CD81: variants seen among roughly 807,000 people sequenced by gnomAD.
CD81 encodes CD81 antigen.
CD81 carries 10 observed loss-of-function variants against 30.1 expected under a neutral mutation model. The observed-to-expected ratio is 0.33, with a 90% CI of 0.21 to 0.56. CD81 has a LOEUF of 0.56. Ranked by LOEUF, CD81 falls within the 20% of genes least tolerant of loss-of-function variation. CD81 has a pLI of 0.89. For missense variants in CD81, 263 were observed against 308.7 expected (o/e 0.85, Z 1.11); for synonymous variants, 147 against 126.4 (o/e 1.16, Z -1.10).
intron 1 of CD81, among the ~76,000 whole-genome samples, chr11:2,383,309 G>A (rs557554663): frequency 4.6e-5 from 7 of 152,158 alleles, no homozygotes; most frequent in South Asian, 4.1e-4. Flanking sequence ...AGGGCCCTAC[G>A]TCACCCAGGG....
upstream of CD81, chr11:2,376,230 G>A (rs1032782769): frequency 2.0e-5 from 3 of 151,638 alleles, no homozygotes; most frequent in African/African-American, 7.3e-5. Flanking sequence ...GTGCCAGGGG[G>A]TTATCCAGGT....
At chr11:2,380,613 C>A (rs1286110718) in intron 1 of CD81, among the ~76,000 whole-genome samples, 1 of 152,160 alleles carries the variant, frequency 6.6e-6, no homozygotes, top group Non-Finnish European at 1.5e-5. Flanking sequence ...GATGCCCTGG[C>A]CAAGCAGCGT....
rs756776053 is a variant in CD81 at position 2,396,725 on chromosome 11, G to A, written c.648+11G>A. On this transcript the variant is annotated intron_variant, in intron 7 of 7. Transcript: ENST00000263645. The stretch of plus-strand genomic sequence containing the variant: ...GTCGCTGTGATCATGGTGAGCGGGC[G>A]GGGGCGGAGGGCCTGCTCTCTGGGC... 6.8e-6 allele frequency: 11 copies of A among 1,611,286 alleles called. No individual in the cohort carries two copies. The highest frequency in any genetic ancestry group is 1.6e-4 in the Middle Eastern group (1 of 6,084).
intron 1 of CD81, among the ~76,000 whole-genome samples, chr11:2,389,777 G>A (rs969119178): frequency 1.2e-4 from 19 of 152,036 alleles, no homozygotes; most frequent in Non-Finnish European, 2.2e-4. Flanking sequence ...CACAAACCCC[G>A]CAGGCCCTGG....
intron 2 of CD81, chr11:2,392,237 G>GC (rs2133458853): frequency 6.6e-6 from 1 of 152,476 alleles, no homozygotes; most frequent in East Asian, 1.9e-4. Context: ...TCGGCGTCGG[G>GC]CCCCGTGTGG....
At position 2,395,168 on chromosome 11, in the gene CD81, C is replaced by A. The variant is rs1042558684; in HGVS notation, c.354+122C>A. On this transcript the variant is annotated intron_variant, in intron 4 of 7. Coordinates refer to ENST00000263645, the MANE Select transcript of CD81 (RefSeq NM_004356.4). ...AGCTCTTTGGGCTCTTCCTGGGTCC[C>A]ACTTGCCAGGAGGATCTCCAGGGGC... The A allele has an allele frequency of 1.2e-5, 10 of 859,038 alleles. No homozygotes were observed. In the African/African-American group the frequency reaches 1.2e-4, roughly 10 times the overall value. The allele number at this position is 859,038 out of a possible 1,614,324, so 53.2% of individuals were successfully genotyped here. A position where few individuals can be genotyped will look rare whatever the true frequency, so the allele number is the denominator to read the frequency against.
rs1486704853 is a variant in CD81 at position 2,395,434 on chromosome 11, C to G, written c.373C>G (p.Gln125Glu). Residue 125 changes from glutamine to glutamate, a missense_variant, in exon 5 of 8, where the codon CAG becomes GAG. Gln to Glu is a conservative substitution (Grantham distance 29). Around this residue, in one of 3 missense-constraint regions of CD81, gnomAD observed 176 missense variants for 192.9 expected, o/e 0.91. Transcript: ENST00000263645. ...CCCCCAGATCGCCAAGGATGTGAAGCAGTTCTATGACCAGGCCCTACAGCA... is the reference window on the plus strand; with the variant it reads ...CCCCCAGATCGCCAAGGATGTGAAGGAGTTCTATGACCAGGCCCTACAGCA... ...NKDQIAKDVK[Q>E]FYDQALQQAV... 6.2e-7 allele frequency: 1 copy of G among 1,612,484 alleles called. No homozygotes were observed. The highest frequency in any genetic ancestry group is 8.5e-7 in the Non-Finnish European group (1 of 1,179,736).
rs1181263270 is a variant in CD81 at position 2,377,412 on chromosome 11, C to T, written c.-138C>T. On this transcript the variant is annotated 5_prime_UTR_variant, in exon 1 of 8. Coordinates refer to ENST00000263645, the MANE Select transcript of CD81 (RefSeq NM_004356.4). The surrounding 1 kb of genome is among the most constrained non-coding windows in gnomAD (Gnocchi z 7.7). ...CCCCACGCGCCCCCGCGCCCCCGCG[C>T]CCCCGCGCCCCTTTCTTCGCGCCCC... 5 of 163,306 alleles carry T rather than the reference C, an allele frequency of 3.1e-5. No homozygotes were observed. The highest frequency in any genetic ancestry group is 9.8e-5 in the African/African-American group (4 of 40,986). 10.1% of individuals were successfully genotyped at this position (163,306 alleles called of 1,614,324 possible).
intron 1 of CD81, chr11:2,386,260 T>A: frequency 2.9e-6 from 2 of 682,656 alleles, no homozygotes; most frequent in Non-Finnish European, 5.4e-6. Flanking sequence ...GCCAGTTTTC[T>A]TGCTGTTGAG....
chr11:2,395,312 T>C, intron 4 of CD81, 104 bp from the exon 5 acceptor site: 2 of 913,668 alleles, frequency 2.2e-6, no homozygotes, highest in East Asian at 2.8e-5. Context: ...GAAGCCACCC[T>C]GCCCAGGGAG....
intron 2 of CD81, chr11:2,393,538 T>G: frequency 3.1e-6 from 1 of 319,260 alleles, no homozygotes; most frequent in Non-Finnish European, 5.9e-6. Context: ...AGTGCTGCTG[T>G]GCAGCCCAGA....
chr11:2,394,732 C>A, intron 3 of CD81: 1 of 617,174 alleles, frequency 1.6e-6, no homozygotes, highest in Non-Finnish European at 2.9e-6. Flanking sequence ...CCCATCCACC[C>A]CGTCCTGTGG....
intron 2 of CD81, chr11:2,392,160 T>G (rs1849911324): frequency 6.6e-6 from 1 of 152,036 alleles, no homozygotes; most frequent in Non-Finnish European, 1.5e-5. Context: ...CAGGTGTTCT[T>G]GGAAGGGGTC....
At position 2,377,849 on chromosome 11, in the gene CD81, C is replaced by G. The variant is rs920199680; in HGVS notation, c.66+234C>G. ...GGCCTCTGTGCTCGGGGGCCCACCT[C>G]TGCGGCCGGGCCGGGGCTTCTGGGG... On this transcript the variant is annotated intron_variant, in intron 1 of 7. Transcript: ENST00000263645. This position sits in a 1 kb window ranked among gnomAD's most constrained non-coding sequence, Gnocchi z 7.7. The G allele has an allele frequency of 3.3e-5, 8 of 241,882 alleles. No homozygotes were observed. The highest frequency in any genetic ancestry group is 1.9e-4 in the African/African-American group (8 of 42,974). 15.0% of individuals were successfully genotyped at this position (241,882 alleles called of 1,614,324 possible).
intron 1 of CD81, chr11:2,385,671 TGCACCCGTGCC>T (rs1327064962): frequency 3.8e-6 from 1 of 265,762 alleles, no homozygotes; most frequent in African/African-American, 2.6e-5. Flanking sequence ...CCGTCGTCTG[TGCACCCGTGCC>T]GTGGCGTGCC....
At chr11:2,387,666 C>G (rs971152802) in intron 1 of CD81, among the ~76,000 whole-genome samples, 2 of 152,120 alleles carry the variant, frequency 1.3e-5, no homozygotes, top group Non-Finnish European at 2.9e-5. Flanking sequence ...GCCAGGGGCC[C>G]CTGGCCTCCC....
chr11:2,393,660 G>A lies in CD81; in HGVS notation c.182-435G>A. 5 of 551,724 alleles carry A rather than the reference G, an allele frequency of 9.1e-6. No homozygotes were observed. In the South Asian group the frequency reaches 1.1e-4, roughly 13 times the overall value. The allele number at this position is 551,724 out of a possible 1,614,324, so 34.2% of individuals were successfully genotyped here. A position where few individuals can be genotyped will look rare whatever the true frequency, so the allele number is the denominator to read the frequency against. ...GCTGCCCTCTCAACCCCGGCCTACA[G>A]TGGGGCCCACCCTGTGCCTTCTGAT... is the stretch of plus-strand genomic sequence containing the variant. On this transcript the variant is annotated intron_variant, in intron 2 of 7. Transcript: ENST00000263645.
At chr11:2,387,257 TTCC>T (rs771974606) in intron 1 of CD81, among the ~76,000 whole-genome samples, 37 of 152,166 alleles carry the variant, frequency 2.4e-4, no homozygotes, top group Non-Finnish European at 3.7e-4. Context: ...CCTGGGGACC[TTCC>T]AGTGGCCCCA....
intron 1 of CD81, among the ~76,000 whole-genome samples, chr11:2,384,008 G>T (rs1279997631): frequency 1.3e-5 from 2 of 152,314 alleles, no homozygotes; most frequent in East Asian, 3.9e-4. Context: ...GGCCTGCCCG[G>T]GCAGCGCCTG....
Sources: allele counts gnomAD v4.1 joint callset (sites outside exome capture counted in the v4.1 genomes callset), GRCh38; gene constraint gnomAD v4.1.1; regional missense constraint gnomAD v4.1.1; non-coding constraint Gnocchi (gnomAD v3.1); transcripts MANE v1.5; gene names NCBI Gene and HGNC (gene_info 2026-07-23, HGNC 2026-07-21).